Variants in GJC1 observed in about 807,000 individuals in gnomAD.
GJC1 encodes the protein gap junction gamma-1 protein.
GJC1 carries 5 observed loss-of-function variants against 29.3 expected under a neutral mutation model. The ratio of observed to expected loss-of-function variants is 0.17; its 90% CI spans 0.09 to 0.36. GJC1 has a LOEUF of 0.36. Among genes scored for constraint, GJC1 ranks in the 10% least tolerant of loss-of-function variants. The probability of loss-of-function intolerance (pLI) is 1.00; values close to 1 mark genes in which losing one functional copy is unlikely to be tolerated. For synonymous variants in GJC1, 177 were observed against 183.3 expected, an observed-to-expected ratio of 0.97 and a Z score of 0.28; for missense variants, 310 against 496.2, an observed-to-expected ratio of 0.62 and a Z score of 3.56.
chr17:44,822,421 C>T (rs1168135763), intron 1 of GJC1, among the ~76,000 whole-genome samples: 6 of 151,350 alleles, frequency 4.0e-5, no homozygotes, highest in Non-Finnish European at 7.4e-5. Context: ...GCGGGTGGAT[C>T]ACCTGAGGTC....
intron 1 of GJC1, among the ~76,000 whole-genome samples, chr17:44,810,169 T>A (rs1204828604): frequency 6.6e-6 from 1 of 151,902 alleles, no homozygotes; most frequent in Non-Finnish European, 1.5e-5. Context: ...GCTAATTTTG[T>A]ATTTTTAGTA....
chr17:44,795,240 T>A (rs2049776299), downstream of GJC1: 1 of 152,246 alleles, frequency 6.6e-6, no homozygotes, highest in South Asian at 2.1e-4. Context: ...TTTATTTATT[T>A]ATTTTGAGAT....
At chr17:44,796,916 C>T (rs1187744887), downstream of GJC1, among the ~76,000 whole-genome samples, 1 of 152,078 alleles carries the variant, frequency 6.6e-6, no homozygotes, top group African/African-American at 2.4e-5. Context: ...GGCGCAACCA[C>T]GGCTCACTGT....
At chr17:44,795,948 T>C (rs1422105765), downstream of GJC1, among the ~76,000 whole-genome samples, 1 of 152,200 alleles carries the variant, frequency 6.6e-6, no homozygotes, top group African/African-American at 2.4e-5. Context: ...TCTCAGCAGA[T>C]GGGGGAGCCA....
intron 1 of GJC1, among the ~76,000 whole-genome samples, chr17:44,815,942 T>C (rs904692582): frequency 8.6e-5 from 13 of 151,708 alleles, no homozygotes; most frequent in African/African-American, 2.9e-4. Context: ...TGAAACCCCA[T>C]CTCTACTAAA....
In GJC1 at chr17:44,810,635, G is replaced by A. The variant is rs147835502; in HGVS notation, c.-96-3166C>T. ...GTTGAGAAGATCCACAACAACCAGG[G>A]GTTTTCTCCACAAAACTCGCTGGAG... On this transcript the variant is annotated intron_variant, in intron 1 of 2. Coordinates refer to ENST00000592524, the MANE Select transcript of GJC1 (RefSeq NM_005497.4). Among the ~76,000 whole-genome samples the A allele has an allele frequency of 2.4e-3, 370 of 152,078 alleles. 1 individual carries two copies. The highest frequency in any genetic ancestry group is 8.2e-3 in the African/African-American group (341 of 41,496).
At chr17:44,808,784 A>G (rs1318562337) in intron 1 of GJC1, among the ~76,000 whole-genome samples, 1 of 152,016 alleles carries the variant, frequency 6.6e-6, no homozygotes, top group East Asian at 1.9e-4. Flanking sequence ...AGATTTACAT[A>G]TGAAGAATCC....
At chr17:44,808,428 T>TACACACAC (rs56999580) in intron 1 of GJC1, among the ~76,000 whole-genome samples, 2,499 of 147,510 alleles carry the variant, frequency 0.017, 62 homozygotes, top group African/African-American at 0.053. Flanking sequence ...CCCTGTCTCT[T>TACACACAC]ACACACACAC....
rs1348053048 is a variant in GJC1 at position 44,805,710 on chromosome 17, T to C, written c.108A>G (p.Thr36=). 2.5e-6 allele frequency: 4 copies of C among 1,614,068 alleles called. No individual in the cohort carries two copies. Among genetic ancestry groups the C allele is most frequent in the Non-Finnish European group, 3.4e-6 (4 of 1,179,930 alleles). ...AATAGATGGATTCTCCTCCTACAGC[T>C]GTAAGGACGATCCGGAAGACAATCA... ...TVLIVFRIVL[T]AVGGESIYYD... The change falls in exon 3 of 3, where the codon ACA becomes ACG. Residue 36 remains threonine (T), a synonymous_variant. Coordinates refer to ENST00000592524, the MANE Select transcript of GJC1 (RefSeq NM_005497.4). This position sits in a 1 kb window ranked among gnomAD's most constrained non-coding sequence, Gnocchi z 5.1.
At chr17:44,807,364 C>T (rs2145308818) in intron 2 of GJC1, 30 bp downstream of exon 2, 1 of 152,274 alleles carries the variant, frequency 6.6e-6, no homozygotes, top group Middle Eastern at 3.4e-3. Context: ...GATGATTTGT[C>T]AGCACCACCA....
chr17:44,820,187 C>T (rs1315252516), intron 1 of GJC1, among the ~76,000 whole-genome samples: 1 of 152,128 alleles, frequency 6.6e-6, no homozygotes, highest in Non-Finnish European at 1.5e-5. Flanking sequence ...GTCTCAAACT[C>T]CTGACCTCAG....
chr17:44,813,563 A>G (rs7218477), intron 1 of GJC1, among the ~76,000 whole-genome samples: 113,951 of 146,398 alleles, frequency 0.78, 44,397 homozygotes, highest in African/African-American at 0.81. Context: ...CACGATCTCA[A>G]CTTACTGCAG....
intron 1 of GJC1, among the ~76,000 whole-genome samples, chr17:44,823,491 C>T (rs1298347842): frequency 6.6e-6 from 1 of 151,812 alleles, no homozygotes. Flanking sequence ...ACCTCATGAT[C>T]CCCCCGCCTC....
intron 1 of GJC1, among the ~76,000 whole-genome samples, chr17:44,812,465 T>C (rs993557703): frequency 1.3e-4 from 20 of 152,176 alleles, no homozygotes; most frequent in Non-Finnish European, 2.9e-4. Flanking sequence ...GTCTGATTTT[T>C]TCAAATTCAA....
At chr17:44,824,580 T>C (rs893811159) in intron 1 of GJC1, among the ~76,000 whole-genome samples, 1 of 151,990 alleles carries the variant, frequency 6.6e-6, no homozygotes, top group Non-Finnish European at 1.5e-5. Flanking sequence ...TGGGAGTACA[T>C]GTGTGCCACT....
rs981920842 is a variant in GJC1, at chr17:44,811,703, A to T, written c.-96-4234T>A. Among the ~76,000 whole-genome samples the T allele has an allele frequency of 4.6e-5, 7 of 151,944 alleles. 1 individual carries two copies. The highest frequency in any genetic ancestry group is 8.8e-5 in the Non-Finnish European group (6 of 67,974). On this transcript the variant is annotated intron_variant, in intron 1 of 2. Coordinates refer to ENST00000592524, the MANE Select transcript of GJC1 (RefSeq NM_005497.4). ...TGCCTGGCCTCTTTCTCTTAATATAATTCTGTGGGAAAAAAAATAGGCCGG... is the reference window on the plus strand; with the variant it reads ...TGCCTGGCCTCTTTCTCTTAATATATTTCTGTGGGAAAAAAAATAGGCCGG...
intron 1 of GJC1, among the ~76,000 whole-genome samples, chr17:44,818,672 G>A (rs2050070572): frequency 6.6e-6 from 1 of 152,048 alleles, no homozygotes; most frequent in Admixed American, 6.6e-5. Context: ...CTGGGCTACT[G>A]TAATCCCAGC....
At chr17:44,809,657 A>C (rs1038908107) in intron 1 of GJC1, among the ~76,000 whole-genome samples, 122 of 146,380 alleles carry the variant, frequency 8.3e-4, no homozygotes, top group Middle Eastern at 3.5e-3. Context: ...CACAACCTCC[A>C]CCTCCCAGGT....
At chr17:44,819,437 T>A (rs937572697) in intron 1 of GJC1, among the ~76,000 whole-genome samples, 2 of 152,046 alleles carry the variant, frequency 1.3e-5, no homozygotes, top group African/African-American at 2.4e-5. Context: ...GGCGGGTAGA[T>A]CATGAGGTCA....
Sources: allele counts gnomAD v4.1 joint callset (sites outside exome capture counted in the v4.1 genomes callset), GRCh38; gene constraint gnomAD v4.1.1; non-coding constraint Gnocchi (gnomAD v3.1); transcripts MANE v1.5; gene names NCBI Gene and HGNC (gene_info 2026-07-23, HGNC 2026-07-21).